CDK15: variants seen among roughly 807,000 people sequenced by gnomAD.
CDK15 encodes cyclin dependent kinase 15, also known as cyclin-dependent kinase 15.
In CDK15, 62 loss-of-function variants were observed where a neutral mutation model predicts 60.3. The ratio of observed to expected loss-of-function variants is 1.03; its 90% CI spans 0.84 to 1.27. The LOEUF is 1.27. Among genes scored for constraint, CDK15 ranks in the 50% most tolerant of loss-of-function variants. The probability of loss-of-function intolerance (pLI) is 0.00; values close to 1 mark genes in which losing one functional copy is unlikely to be tolerated. For missense variants in CDK15, 541 were observed against 527.8 expected, an observed-to-expected ratio of 1.03 and a Z score of -0.25; for synonymous variants, 194 against 195.7, an observed-to-expected ratio of 0.99 and a Z score of 0.07.
At position 201,822,839 on chromosome 2, in the gene CDK15, A is replaced by G. The variant is rs763883378; in HGVS notation, c.479A>G (p.Asn160Ser). The part of the protein sequence containing the change: ...ASLLKGLKHA[N>S]IVLLHDIIHT... ...CTCCTGAAGGGTTTGAAACATGCCA[A>G]TATTGTGCTCCTGCATGACATAATC... Residue 160 changes from asparagine (N) to serine (S), a missense_variant, in exon 5 of 14, where the codon AAT becomes AGT. By Grantham distance (46) the Asn-to-Ser change is conservative. Coordinates refer to ENST00000652192, the MANE Select transcript of CDK15 (RefSeq NM_001366386.2). 12 of 1,612,566 alleles carry G rather than the reference A, an allele frequency of 7.4e-6. No individual in the cohort carries two copies. The highest frequency in any genetic ancestry group is 2.2e-5 in the East Asian group (1 of 44,868).
intron 13 of CDK15, among the ~76,000 whole-genome samples, chr2:201,892,723 T>G (rs1332695206): frequency 1.1e-4 from 16 of 152,162 alleles, no homozygotes; most frequent in Admixed American, 9.8e-4. Context: ...AAATCTAGAG[T>G]GCTAGAGTTA....
Position 201,822,842 on chromosome 2 carries a change from T to C in CDK15, c.482T>C (p.Ile161Thr). Residue 161 changes from isoleucine (I) to threonine (T), a missense_variant, in exon 5 of 14, where the codon ATT becomes ACT. Coordinates refer to ENST00000652192, the MANE Select transcript of CDK15 (RefSeq NM_001366386.2). The part of the protein sequence containing the change: ...SLLKGLKHAN[I>T]VLLHDIIHTK... ...CTGAAGGGTTTGAAACATGCCAATA[T>C]TGTGCTCCTGCATGACATAATCCAC... The C allele has an allele frequency of 6.2e-7, 1 of 1,613,116 alleles. No individual in the cohort carries two copies.
intron 6 of CDK15, chr2:201,824,849 C>G (rs1696395528): frequency 1.6e-6 from 1 of 606,614 alleles, no homozygotes; most frequent in Non-Finnish European, 2.3e-6. Flanking sequence ...AAAAGAAAAA[C>G]CACAGGCCCT....
intron 9 of CDK15, among the ~76,000 whole-genome samples, chr2:201,853,295 T>C (rs779675724): frequency 5.3e-5 from 8 of 152,174 alleles, no homozygotes; most frequent in Non-Finnish European, 1.0e-4. Flanking sequence ...GTTTAGGGAA[T>C]GGATCAAAGA....
chr2:201,888,503 A>T (rs1053207019), intron 12 of CDK15: 15 of 1,534,278 alleles, frequency 9.8e-6, no homozygotes, highest in Non-Finnish European at 1.1e-5. Flanking sequence ...TCGGGAAGCT[A>T]ATGAGGAGTC....
chr2:201,887,774 CAG>C (rs1281813022), intron 12 of CDK15, among the ~76,000 whole-genome samples: 6 of 152,200 alleles, frequency 3.9e-5, no homozygotes, highest in African/African-American at 1.4e-4. Flanking sequence ...TGCCCCTAGT[CAG>C]AGTTTTAAGT....
intron 3 of CDK15, among the ~76,000 whole-genome samples, chr2:201,811,080 C>A (rs1330971757): frequency 2.0e-5 from 3 of 151,142 alleles, no homozygotes; most frequent in African/African-American, 7.3e-5. Context: ...CGAGCTCAGG[C>A]AATCCACCCA....
chr2:201,884,873 C>A (rs941856142), intron 12 of CDK15, among the ~76,000 whole-genome samples: 5 of 152,192 alleles, frequency 3.3e-5, no homozygotes, highest in Non-Finnish European at 7.3e-5. Context: ...ACCCTGTCCT[C>A]AAAGAGCTTA....
rs1411428581 is a variant in CDK15 at position 201,895,461 on chromosome 2, AAAAGC to A, written c.*2195_*2199del. On this transcript the variant is annotated 3_prime_UTR_variant, in exon 14 of 14. Coordinates refer to ENST00000652192, the MANE Select transcript of CDK15 (RefSeq NM_001366386.2). ...CCTTCTTTAATGGATTTACCTATTCAAAAGCTTAATAAATGTTATAAGACTCTAAA... is the reference window on the plus strand; with the variant it reads ...CCTTCTTTAATGGATTTACCTATTCATTAATAAATGTTATAAGACTCTAAA... 6.6e-6 allele frequency: 1 copy of A among 152,236 alleles called. No individual in the cohort carries two copies. Among genetic ancestry groups the A allele is most frequent in the Admixed American group, 6.5e-5 (1 of 15,290 alleles). 9.4% of individuals were successfully genotyped at this position (152,236 alleles called of 1,614,324 possible).
Position 201,816,871 on chromosome 2 carries a change from C to T in CDK15, c.448+4309C>T, listed in dbSNP as rs184559436. Reference sequence around the variant, plus strand: ...ACACCTGAAAGTTACCACCCTTTCCCGTAGCAACAACCTGACAACCTGGAA... The same window carrying T: ...ACACCTGAAAGTTACCACCCTTTCCTGTAGCAACAACCTGACAACCTGGAA... On this transcript the variant is annotated intron_variant, in intron 4 of 13. Transcript: ENST00000652192. Among the ~76,000 whole-genome samples the T allele has an allele frequency of 5.6e-4, 86 of 152,220 alleles. 1 individual carries two copies. The South Asian group carries it at 0.013, about 23-fold the overall frequency.
intron 8 of CDK15, among the ~76,000 whole-genome samples, chr2:201,841,480 G>T (rs965152954): frequency 6.6e-6 from 1 of 152,196 alleles, no homozygotes; most frequent in Non-Finnish European, 1.5e-5. Context: ...TTTACACTGA[G>T]ATCCCTCTCC....
rs112414025 is a variant in CDK15, at chr2:201,837,303, CAG to C, written c.851+1560_851+1561del. Among the ~76,000 whole-genome samples, 589 of 123,662 alleles carry C rather than the reference CAG, an allele frequency of 4.8e-3. 4 individuals carry two copies. The highest frequency in any genetic ancestry group is 0.01 in the Admixed American group (119 of 11,498). The allele number at this position is 123,662 out of a possible 152,430, so 81.1% of individuals were successfully genotyped here. A position where few individuals can be genotyped will look rare whatever the true frequency, so the allele number is the denominator to read the frequency against. On this transcript the variant is annotated intron_variant, in intron 8 of 13. Transcript: ENST00000652192. ...ACCCCGTCTGAAAGAAAGAAAGAAA[CAG>C]AGAGAGAGAGAGAGAGAGAAAGAAA...
intron 12 of CDK15, among the ~76,000 whole-genome samples, chr2:201,889,997 C>T (rs1187646450): frequency 1.3e-5 from 2 of 149,172 alleles, no homozygotes; most frequent in African/African-American, 2.5e-5. Flanking sequence ...TGCAGTGAGC[C>T]GAGATCACCC....
At position 201,807,802 on chromosome 2, in the gene CDK15, A is replaced by AG. The variant is rs1425666609; in HGVS notation, c.274-55dup. 3.8e-6 allele frequency: 6 copies of AG among 1,564,530 alleles called. No individual in the cohort carries two copies. In the Admixed American group the frequency reaches 5.7e-5, roughly 15 times the overall value. On this transcript the variant is annotated intron_variant, in intron 2 of 13. Coordinates refer to ENST00000652192, the MANE Select transcript of CDK15 (RefSeq NM_001366386.2). ...GGAAAAAAAGTCAACACTAAAAAAA[A>AG]GTGTTCTTTCTCTCTTCCCTTTCAC...
chr2:201,810,302 A>G (rs949214567), intron 3 of CDK15, among the ~76,000 whole-genome samples: 2 of 152,124 alleles, frequency 1.3e-5, no homozygotes, highest in Non-Finnish European at 2.9e-5. Flanking sequence ...AACTTATGAA[A>G]AGTCAGTTTC....
chr2:201,880,134 G>T lies in CDK15; in HGVS notation c.1165G>T (p.Ala389Ser), dbSNP rs1291395821. Residue 389 changes from alanine (A) to serine (S), a missense_variant, in exon 12 of 14, where the codon GCC (alanine) becomes TCC (serine). Physicochemically the swap from Ala to Ser is moderately conservative, Grantham distance 99 (BLOSUM62 1). Transcript: ENST00000652192. The part of the protein sequence containing the change: ...QEALVHDYFS[A>S]LPSQLYQLPD... ...AGCACTTGTTCATGATTATTTCAGC[G>T]CCCTGCCATCTCAGCTGTACCAGCT... The T allele has an allele frequency of 1.2e-6, 2 of 1,613,988 alleles. No homozygotes were observed. The highest frequency in any genetic ancestry group is 1.7e-6 in the Non-Finnish European group (2 of 1,179,962).
chr2:201,809,748 C>T (rs2106149090), intron 3 of CDK15, among the ~76,000 whole-genome samples: 1 of 152,292 alleles, frequency 6.6e-6, no homozygotes, highest in South Asian at 2.1e-4. Flanking sequence ...GGCACACACT[C>T]AGCTCCTCCC....
chr2:201,837,387 AGGGGAGAGG>A (rs1697151582), intron 8 of CDK15, among the ~76,000 whole-genome samples: 1 of 88,222 alleles, frequency 1.1e-5, no homozygotes, highest in African/African-American at 4.2e-5. Context: ...GAGGGGGAGA[AGGGGAGAGG>A]GGGGAGAGGT....
intron 10 of CDK15, among the ~76,000 whole-genome samples, chr2:201,863,088 A>G (rs1330424486): frequency 6.6e-6 from 1 of 152,192 alleles, no homozygotes; most frequent in Non-Finnish European, 1.5e-5. Flanking sequence ...AGCGCTGCTG[A>G]AAGCTCCTGG....
Sources: gnomAD v4.1 joint callset for allele counts (sites outside exome capture counted in the v4.1 genomes callset) on GRCh38, gnomAD v4.1.1 for gene constraint, MANE v1.5 for transcripts, NCBI Gene and HGNC (gene_info 2026-07-23, HGNC 2026-07-21) for gene names.